The following ARHGAP26 variants were observed in gnomAD, a reference collection of about 807,000 sequenced individuals.
ARHGAP26 encodes rho GTPase-activating protein 26.
Under a neutral mutation model 104.8 loss-of-function variants are expected in ARHGAP26, and 38 were observed. The ratio of observed to expected loss-of-function variants is 0.36; its 90% CI spans 0.28 to 0.48. The LOEUF is 0.48. Ranked by LOEUF, ARHGAP26 falls within the 20% of genes least tolerant of loss-of-function variation. The pLI, the probability that ARHGAP26 is intolerant of heterozygous loss-of-function variation, is 0.99. For missense variants in ARHGAP26, 704 were observed against 947.9 expected, an observed-to-expected ratio of 0.74 and a Z score of 3.38; for synonymous variants, 341 against 340.0, an observed-to-expected ratio of 1.00 and a Z score of -0.03.
At chr5:143,199,756 G>A (rs1307463898) in intron 20 of ARHGAP26, among the ~76,000 whole-genome samples, 2 of 152,202 alleles carry the variant, frequency 1.3e-5, no homozygotes, top group Non-Finnish European at 2.9e-5. Context: ...TGGCAGAGAC[G>A]TGCAAATGCC....
intron 12 of ARHGAP26, among the ~76,000 whole-genome samples, chr5:143,015,180 A>G (rs944428578): frequency 1.3e-5 from 2 of 152,244 alleles, no homozygotes; most frequent in East Asian, 3.8e-4. Context: ...GAGCAAGGGA[A>G]AAATTTCAAG....
intron 20 of ARHGAP26, among the ~76,000 whole-genome samples, chr5:143,163,294 G>A (rs1323779584): frequency 6.6e-6 from 1 of 152,122 alleles, no homozygotes; most frequent in Non-Finnish European, 1.5e-5. Context: ...AAATATTTAT[G>A]GTTGAATGAA....
chr5:143,135,488 G>A (rs1266818262), intron 19 of ARHGAP26, among the ~76,000 whole-genome samples: 1 of 152,132 alleles, frequency 6.6e-6, no homozygotes, highest in Non-Finnish European at 1.5e-5. Context: ...ATCTGGATTG[G>A]TATCTTTCTT....
chr5:142,841,222 C>T (rs1770731988), intron 1 of ARHGAP26, among the ~76,000 whole-genome samples: 1 of 152,032 alleles, frequency 6.6e-6, no homozygotes, highest in African/African-American at 2.4e-5. Context: ...AAGAAGAAAG[C>T]AATGAGACAC....
chr5:142,772,639 CAG>C (rs1412812997), intron 1 of ARHGAP26: 1 of 451,246 alleles, frequency 2.2e-6, no homozygotes, highest in African/African-American at 2.0e-5. Flanking sequence ...AATGAGAAAA[CAG>C]AGACTGGGGG....
At chr5:142,912,745 G>C (rs886509791) in intron 9 of ARHGAP26, among the ~76,000 whole-genome samples, 10 of 152,092 alleles carry the variant, frequency 6.6e-5, no homozygotes, top group African/African-American at 2.4e-4. Flanking sequence ...TTTCAGCTAT[G>C]GTCAGTGCTG....
intron 5 of ARHGAP26, among the ~76,000 whole-genome samples, chr5:142,887,054 T>A (rs1757813805): frequency 6.6e-6 from 1 of 152,242 alleles, no homozygotes; most frequent in African/African-American, 2.4e-5. Context: ...TGAGCAGGTG[T>A]GTGGTTATTC....
chr5:143,201,101 C>G (rs1807646664), intron 20 of ARHGAP26, among the ~76,000 whole-genome samples: 1 of 152,238 alleles, frequency 6.6e-6, no homozygotes, highest in African/African-American at 2.4e-5. Flanking sequence ...CTGGGACTGT[C>G]TGACTCCTTT....
At chr5:143,121,944 T>G (rs538557747) in intron 18 of ARHGAP26, among the ~76,000 whole-genome samples, 2 of 152,360 alleles carry the variant, frequency 1.3e-5, no homozygotes, top group African/African-American at 4.8e-5. Context: ...ATAAAAACTT[T>G]GCCTAGAATG....
chr5:143,208,591 A>C (rs145485108), intron 21 of ARHGAP26, among the ~76,000 whole-genome samples: 1 of 152,334 alleles, frequency 6.6e-6, no homozygotes, highest in African/African-American at 2.4e-5. Flanking sequence ...AAGAAAACTA[A>C]AACACAGGGA....
chr5:143,166,181 A>G, intron 20 of ARHGAP26: 1 of 1,018,344 alleles, frequency 9.8e-7, no homozygotes, highest in African/African-American at 1.7e-5. Context: ...CATCTAGAAC[A>G]ACCCCATGTA....
intron 20 of ARHGAP26, among the ~76,000 whole-genome samples, chr5:143,167,609 A>G (rs1050066441): frequency 6.6e-6 from 1 of 151,230 alleles, no homozygotes. Flanking sequence ...TAGATTGTGT[A>G]TCACAATTCC....
At chr5:143,127,438 C>T (rs985833234) in intron 18 of ARHGAP26, among the ~76,000 whole-genome samples, 1 of 152,168 alleles carries the variant, frequency 6.6e-6, no homozygotes. Flanking sequence ...CCTAGTCCAT[C>T]AGTTAGCTTT....
intron 11 of ARHGAP26, among the ~76,000 whole-genome samples, chr5:142,955,958 C>T (rs1331571142): frequency 6.6e-6 from 1 of 152,140 alleles, no homozygotes; most frequent in Non-Finnish European, 1.5e-5. Flanking sequence ...TCCAGCCAGC[C>T]TGGTATTTCT....
intron 20 of ARHGAP26, chr5:143,202,491 GCCA>G (rs1807916891): frequency 6.9e-6 from 1 of 144,468 alleles, no homozygotes; most frequent in African/African-American, 2.9e-5. Context: ...CCATAAAATA[GCCA>G]TACTGCCCAA....
intron 17 of ARHGAP26, among the ~76,000 whole-genome samples, chr5:143,109,910 C>G (rs1794557808): frequency 6.6e-6 from 1 of 152,202 alleles, no homozygotes; most frequent in Non-Finnish European, 1.5e-5. Context: ...TTACAGTGGC[C>G]TGCAAAGTTT....
intron 1 of ARHGAP26, chr5:142,771,178 C>CGGGTGG: frequency 7.8e-7 from 1 of 1,284,618 alleles, no homozygotes; most frequent in Non-Finnish European, 9.8e-7. Context: ...TGGGGCAGCG[C>CGGGTGG]GGGTGGGCGT....
chr5:142,959,079 C>G (rs1037132506), intron 11 of ARHGAP26, among the ~76,000 whole-genome samples: 3 of 151,762 alleles, frequency 2.0e-5, no homozygotes, highest in Non-Finnish European at 2.9e-5. Flanking sequence ...GAAAAAAGGC[C>G]CAGAGAAAGA....
chr5:142,953,872 A>G (rs891488285), intron 11 of ARHGAP26, among the ~76,000 whole-genome samples: 3 of 152,182 alleles, frequency 2.0e-5, no homozygotes, highest in Non-Finnish European at 2.9e-5. Flanking sequence ...GGCACTAAAG[A>G]GGACTTCCCA....
Sources: allele counts gnomAD v4.1 joint callset (sites outside exome capture counted in the v4.1 genomes callset), GRCh38; gene constraint gnomAD v4.1.1; transcripts MANE v1.5; gene names NCBI Gene and HGNC (gene_info 2026-07-23, HGNC 2026-07-21).